Variants in RPS6KA2 observed in about 807,000 individuals in gnomAD.
The protein encoded by RPS6KA2 is ribosomal protein S6 kinase alpha-2.
In RPS6KA2, 42 loss-of-function variants were observed where a neutral mutation model predicts 91.8. That is an observed-to-expected ratio of 0.46 (90% CI 0.36 to 0.59). The LOEUF is 0.59. Ranked by LOEUF, RPS6KA2 falls within the 20% of genes least tolerant of loss-of-function variation. The pLI, the probability that RPS6KA2 is intolerant of heterozygous loss-of-function variation, is 0.00. For missense variants in RPS6KA2, 798 were observed against 978.5 expected (o/e 0.82, Z 2.46); for synonymous variants, 414 against 393.6 (o/e 1.05, Z -0.61).
intron 2 of RPS6KA2, among the ~76,000 whole-genome samples, chr6:166,725,190 T>C (rs994277281): frequency 1.3e-5 from 2 of 152,174 alleles, no homozygotes; most frequent in African/African-American, 2.4e-5. Flanking sequence ...AAAAAAAGTC[T>C]TTTATTTTTT....
chr6:166,593,849 T>C (rs139730846), intron 1 of RPS6KA2, among the ~76,000 whole-genome samples: 1,788 of 152,298 alleles, frequency 0.012, 39 homozygotes, highest in African/African-American at 0.042. Context: ...CAAACTTCTA[T>C]AAATGATAAA....
rs1786921581 is a variant in RPS6KA2 at position 166,627,191 on chromosome 6, G to A, written c.-172C>T. The A allele has an allele frequency of 8.6e-6, 9 of 1,047,320 alleles. No homozygotes were observed. The highest frequency in any genetic ancestry group is 1.7e-5 in the African/African-American group (1 of 58,750). 64.9% of individuals were successfully genotyped at this position (1,047,320 alleles called of 1,614,324 possible). On this transcript the variant is annotated 5_prime_UTR_variant, in exon 1 of 21. Transcript: ENST00000265678. ...GCGGTCACAAAGGGCAGGCCGCGCCGGCCACCGCGGCCGGGGCCACAATCG... is the reference window on the plus strand; with the variant it reads ...GCGGTCACAAAGGGCAGGCCGCGCCAGCCACCGCGGCCGGGGCCACAATCG...
At chr6:166,504,882 CCTCT>C (rs1782143095) in intron 5 of RPS6KA2, among the ~76,000 whole-genome samples, 1 of 152,162 alleles carries the variant, frequency 6.6e-6, no homozygotes, top group African/African-American at 2.4e-5. Context: ...TTCAGCCTCT[CCTCT>C]CTGTGTCCTT....
At chr6:166,528,502 G>A (rs561738213) in intron 3 of RPS6KA2, among the ~76,000 whole-genome samples, 1 of 150,200 alleles carries the variant, frequency 6.7e-6, no homozygotes, top group East Asian at 1.9e-4. Context: ...TCAGGACATA[G>A]GCATGGGCAA....
At chr6:166,721,119 G>T (rs929609505) in intron 2 of RPS6KA2, among the ~76,000 whole-genome samples, 4 of 152,200 alleles carry the variant, frequency 2.6e-5, no homozygotes, top group African/African-American at 9.6e-5. Flanking sequence ...AATTTCACGA[G>T]GATCCCTACT....
intron 1 of RPS6KA2, among the ~76,000 whole-genome samples, chr6:166,589,366 A>C (rs1485931036): frequency 6.6e-6 from 1 of 152,234 alleles, no homozygotes; most frequent in Non-Finnish European, 1.5e-5. Context: ...CTAAGTATGC[A>C]CTTTTGTGAG....
At chr6:166,577,443 C>G (rs1784869652) in intron 1 of RPS6KA2, among the ~76,000 whole-genome samples, 1 of 152,204 alleles carries the variant, frequency 6.6e-6, no homozygotes, top group Non-Finnish European at 1.5e-5. Context: ...TGGAGCTGCC[C>G]AAGACCATGG....
rs1315797608 is a variant in RPS6KA2 at position 166,821,728 on chromosome 6, T to C, written c.123+36472A>G. Among the ~76,000 whole-genome samples, 1 of 152,116 alleles carries C rather than the reference T, an allele frequency of 6.6e-6. No individual in the cohort carries two copies. The highest frequency in any genetic ancestry group is 2.4e-5 in the African/African-American group (1 of 41,424). On this transcript the variant is annotated intron_variant, in intron 2 of 21. Coordinates refer to the RPS6KA2 transcript ENST00000503859. The surrounding 1 kb of genome is among the most constrained non-coding windows in gnomAD (Gnocchi z 4.1). ...AAACTTCCCTTCACTTTAAAAACCATGTTTGCTGAGGATGCCCAGTAGTAA... is the reference window on the plus strand; with the variant it reads ...AAACTTCCCTTCACTTTAAAAACCACGTTTGCTGAGGATGCCCAGTAGTAA...
intron 7 of RPS6KA2, among the ~76,000 whole-genome samples, chr6:166,499,737 T>C (rs1172364317): frequency 1.3e-5 from 2 of 152,234 alleles, no homozygotes; most frequent in Non-Finnish European, 2.9e-5. Context: ...CAGCCTTGGG[T>C]ATGTCTTTAT....
At chr6:166,840,466 T>A (rs1015832079) in intron 2 of RPS6KA2, among the ~76,000 whole-genome samples, 2 of 152,116 alleles carry the variant, frequency 1.3e-5, no homozygotes, top group Non-Finnish European at 1.5e-5. Flanking sequence ...GGGCAAATGG[T>A]TTGGGGAGCT....
rs1313342464 is a variant in RPS6KA2 at position 166,411,246 on chromosome 6, A to T, written c.*1516T>A. On this transcript the variant is annotated 3_prime_UTR_variant, in exon 21 of 21. Transcript: ENST00000265678. This position sits in a 1 kb window ranked among gnomAD's most constrained non-coding sequence, Gnocchi z 4.5. ...TTTTTTTTTTTAGTTGGGTACGAGA[A>T]TCGAGATGGAGGGGGAACAAAACCC... is the stretch of plus-strand genomic sequence containing the variant. The T allele has an allele frequency of 6.6e-6, 1 of 151,902 alleles. No homozygotes were observed. The highest frequency in any genetic ancestry group is 1.5e-5 in the Non-Finnish European group (1 of 67,956). The allele number at this position is 151,902 out of a possible 1,614,324, so 9.4% of individuals were successfully genotyped here.
At position 166,767,718 on chromosome 6, in the gene RPS6KA2, G is replaced by A. The variant is rs1232209463; in HGVS notation, c.123+90482C>T. ...ATTTTATTTGCATATCAGGTTACCT[G>A]ACAAAAGAACATATTGTTTCCCAAA... On this transcript the variant is annotated intron_variant, in intron 2 of 21. Coordinates refer to the RPS6KA2 transcript ENST00000503859. The surrounding 1 kb of genome is among the most constrained non-coding windows in gnomAD (Gnocchi z 4.6). Among the ~76,000 whole-genome samples, 1 of 151,760 alleles carries A rather than the reference G, an allele frequency of 6.6e-6. No individual in the cohort carries two copies. The highest frequency in any genetic ancestry group is 1.5e-5 in the Non-Finnish European group (1 of 68,000).
At chr6:166,728,440 C>T (rs1790413421) in intron 2 of RPS6KA2, among the ~76,000 whole-genome samples, 2 of 152,178 alleles carry the variant, frequency 1.3e-5, no homozygotes, top group African/African-American at 2.4e-5. Flanking sequence ...AAAAAAGAGT[C>T]ACCCATGGGT....
intron 2 of RPS6KA2, among the ~76,000 whole-genome samples, chr6:166,683,285 C>T (rs9295361): frequency 3.3e-5 from 5 of 152,052 alleles, no homozygotes; most frequent in Non-Finnish European, 7.4e-5. Flanking sequence ...TTAACTTTAT[C>T]AATTACATGA....
At chr6:166,601,894 C>T (rs1422132077) in intron 1 of RPS6KA2, among the ~76,000 whole-genome samples, 2 of 152,166 alleles carry the variant, frequency 1.3e-5, no homozygotes, top group African/African-American at 2.4e-5. Context: ...ATCAATTCAG[C>T]TGCATAAAAA....
At chr6:166,795,249 T>C (rs1004840406) in intron 2 of RPS6KA2, among the ~76,000 whole-genome samples, 38 of 152,250 alleles carry the variant, frequency 2.5e-4, no homozygotes, top group Non-Finnish European at 5.0e-4. Flanking sequence ...TGGAGGCTGA[T>C]AGTTGAAAAG....
intron 2 of RPS6KA2, among the ~76,000 whole-genome samples, chr6:166,713,890 A>G (rs1789939258): frequency 6.6e-6 from 1 of 152,146 alleles, no homozygotes. Context: ...CGCCCCTCAT[A>G]GTCAGCGGTC....
chr6:166,813,870 T>C (rs535348368), intron 2 of RPS6KA2, among the ~76,000 whole-genome samples: 7 of 152,346 alleles, frequency 4.6e-5, no homozygotes, highest in African/African-American at 1.7e-4. Context: ...ATATTGGAGA[T>C]AGACTAGATT....
intron 2 of RPS6KA2, among the ~76,000 whole-genome samples, chr6:166,685,025 C>G (rs116566369): frequency 1.3e-5 from 2 of 152,226 alleles, no homozygotes; most frequent in Non-Finnish European, 2.9e-5. Flanking sequence ...GATGTCACTG[C>G]GGGATGGTAG....
Sources: gnomAD v4.1 joint callset for allele counts (sites outside exome capture counted in the v4.1 genomes callset) on GRCh38, gnomAD v4.1.1 for gene constraint, Gnocchi (gnomAD v3.1) non-coding constraint, MANE v1.5 for transcripts, NCBI Gene and HGNC (gene_info 2026-07-23, HGNC 2026-07-21) for gene names.